Variants in ZBTB20 observed in about 807,000 individuals in gnomAD.
ZBTB20 encodes the protein zinc finger and BTB domain containing 20.
Under a neutral mutation model 56.9 loss-of-function variants are expected in ZBTB20, and 9 were observed. That is an observed-to-expected ratio of 0.16 (90% CI 0.10 to 0.28). The LOEUF is 0.28. Ranked by LOEUF, ZBTB20 falls within the 10% of genes least tolerant of loss-of-function variation. The pLI, the probability that ZBTB20 is intolerant of heterozygous loss-of-function variation, is 1.00. For missense variants in ZBTB20, 655 were observed against 1,003.0 expected, an observed-to-expected ratio of 0.65 and a Z score of 4.69; for synonymous variants, 417 against 420.7, an observed-to-expected ratio of 0.99 and a Z score of 0.11.
intron 7 of ZBTB20, among the ~76,000 whole-genome samples, chr3:114,486,456 C>T (rs1467333619): frequency 6.6e-6 from 1 of 152,112 alleles, no homozygotes; most frequent in Admixed American, 6.5e-5. Context: ...CTAACCTTTA[C>T]TGAAAGGTAC....
chr3:114,931,382 A>G (rs1398796522), intron 3 of ZBTB20: 2 of 243,376 alleles, frequency 8.2e-6, no homozygotes, highest in Admixed American at 9.3e-5. Context: ...CCTAAACCAC[A>G]ACATGGCAAA....
At chr3:114,876,447 C>A (rs2076200631) in intron 4 of ZBTB20, 1 of 152,016 alleles carries the variant, frequency 6.6e-6, no homozygotes, top group African/African-American at 2.4e-5. Flanking sequence ...AAGACCCCAT[C>A]TCTAAAAAAA....
chr3:114,760,305 A>G (rs1333184046), intron 5 of ZBTB20, among the ~76,000 whole-genome samples: 1 of 152,200 alleles, frequency 6.6e-6, no homozygotes, highest in Non-Finnish European at 1.5e-5. Context: ...GAAGCTCACA[A>G]TTTAGTCACC....
At chr3:114,370,730 C>T (rs183071152) in intron 10 of ZBTB20, among the ~76,000 whole-genome samples, 161 of 152,300 alleles carry the variant, frequency 1.1e-3, no homozygotes, top group South Asian at 2.9e-3. Flanking sequence ...TCACGCATTC[C>T]TGCTGTGCCC....
chr3:114,579,969 C>A (rs976036443), intron 6 of ZBTB20, among the ~76,000 whole-genome samples: 1 of 151,396 alleles, frequency 6.6e-6, no homozygotes, highest in African/African-American at 2.4e-5. Context: ...AATAAAAAAT[C>A]CCAATAATGT....
chr3:114,829,679 G>C (rs545278501), intron 4 of ZBTB20, among the ~76,000 whole-genome samples: 20 of 151,942 alleles, frequency 1.3e-4, no homozygotes, highest in Non-Finnish European at 2.5e-4. Flanking sequence ...CACGGGAGAT[G>C]CAAGTATAAC....
chr3:114,883,817 G>C (rs541602222), intron 4 of ZBTB20, among the ~76,000 whole-genome samples: 1 of 145,706 alleles, frequency 6.9e-6, no homozygotes, highest in South Asian at 2.4e-4. Context: ...AAAGCAAGTA[G>C]TTCATTCCTT....
At chr3:114,922,314 T>C (rs2075990521) in intron 3 of ZBTB20, among the ~76,000 whole-genome samples, 1 of 152,110 alleles carries the variant, frequency 6.6e-6, no homozygotes, top group Non-Finnish European at 1.5e-5. Flanking sequence ...AACATAGTAT[T>C]GGAATTCTTA....
chr3:115,106,967 A>T (rs1451873352), intron 1 of ZBTB20, among the ~76,000 whole-genome samples: 2 of 152,258 alleles, frequency 1.3e-5, no homozygotes, highest in African/African-American at 4.8e-5. Context: ...GTTAATTAAA[A>T]ACTTAAATAA....
At chr3:114,961,538 G>A (rs901755022) in intron 3 of ZBTB20, among the ~76,000 whole-genome samples, 1 of 152,128 alleles carries the variant, frequency 6.6e-6, no homozygotes, top group Non-Finnish European at 1.5e-5. Flanking sequence ...TCGGTTGGAA[G>A]TCTCAGATCA....
intron 6 of ZBTB20, among the ~76,000 whole-genome samples, chr3:114,660,518 T>A (rs1316955069): frequency 6.6e-6 from 1 of 152,132 alleles, no homozygotes; most frequent in Non-Finnish European, 1.5e-5. Flanking sequence ...TTTTAGGGAT[T>A]TTTTTTCCCC....
At chr3:114,438,520 A>T (rs1414961364) in intron 7 of ZBTB20, among the ~76,000 whole-genome samples, 2 of 152,084 alleles carry the variant, frequency 1.3e-5, no homozygotes, top group African/African-American at 4.8e-5. Flanking sequence ...TAATCATCTC[A>T]AGGTGCTTGG....
intron 6 of ZBTB20, among the ~76,000 whole-genome samples, chr3:114,647,999 C>A (rs919529609): frequency 6.6e-6 from 1 of 152,012 alleles, no homozygotes; most frequent in Non-Finnish European, 1.5e-5. Context: ...TTAAAGTTAA[C>A]CTTTTAGACA....
chr3:114,443,229 T>TGCA (rs1191724625), intron 7 of ZBTB20, among the ~76,000 whole-genome samples: 3 of 152,194 alleles, frequency 2.0e-5, no homozygotes, highest in Non-Finnish European at 4.4e-5. Context: ...ACAATTGGCT[T>TGCA]ATAACAGATG....
At chr3:114,415,540 C>A (rs1443243370) in intron 7 of ZBTB20, among the ~76,000 whole-genome samples, 1 of 152,198 alleles carries the variant, frequency 6.6e-6, no homozygotes, top group East Asian at 1.9e-4. Context: ...TCGGTTAGAA[C>A]ATAGGTTTAA....
intron 6 of ZBTB20, among the ~76,000 whole-genome samples, chr3:114,682,005 A>G (rs373975617): frequency 3.7e-4 from 56 of 152,340 alleles, no homozygotes; most frequent in African/African-American, 1.3e-3. Flanking sequence ...TTTAATCTCT[A>G]AAATTCTATA....
chr3:115,131,422 CAGA>C (rs2084502790), intron 1 of ZBTB20, among the ~76,000 whole-genome samples: 1 of 152,138 alleles, frequency 6.6e-6, no homozygotes, highest in African/African-American at 2.4e-5. Flanking sequence ...GAAATTCTTT[CAGA>C]AGATCTGAGA....
chr3:114,728,805 T>C (rs1236915590), intron 5 of ZBTB20, among the ~76,000 whole-genome samples: 1 of 152,238 alleles, frequency 6.6e-6, no homozygotes, highest in Non-Finnish European at 1.5e-5. Context: ...AATACTGACT[T>C]TTAAAAGTCA....
At chr3:114,453,218 C>T (rs79024381) in intron 7 of ZBTB20, among the ~76,000 whole-genome samples, 7,747 of 152,174 alleles carry the variant, frequency 0.051, 285 homozygotes, top group East Asian at 0.1. Flanking sequence ...CACAAAGCTA[C>T]GTGGCAATCA....
Sources: allele counts gnomAD v4.1 joint callset (sites outside exome capture counted in the v4.1 genomes callset), GRCh38; gene constraint gnomAD v4.1.1; transcripts MANE v1.5; gene names NCBI Gene and HGNC (gene_info 2026-07-23, HGNC 2026-07-21).